Variants in MZT2A observed in about 807,000 individuals in gnomAD.
MZT2A encodes mitotic-spindle organizing protein 2A.
Under a neutral mutation model 12.4 loss-of-function variants are expected in MZT2A, and 8 were observed. That is an observed-to-expected ratio of 0.64 (90% CI 0.38 to 1.16). The LOEUF (loss-of-function observed/expected upper bound fraction) is 1.16, where lower values mean the gene tolerates loss of function less well. Among genes scored for constraint, MZT2A ranks in the 50% most tolerant of loss-of-function variants. MZT2A has a pLI of 0.01. For synonymous variants in MZT2A, 88 were observed against 107.5 expected, an observed-to-expected ratio of 0.82 and a Z score of 1.12; for missense variants, 181 against 223.6, an observed-to-expected ratio of 0.81 and a Z score of 1.22.
intron 2 of MZT2A, among the ~76,000 whole-genome samples, chr2:131,472,548 C>T (rs981981744): frequency 8.5e-5 from 13 of 152,150 alleles, no homozygotes; most frequent in Non-Finnish European, 1.5e-4. Context: ...AATGATGTTT[C>T]GGTCAACAAC....
At position 131,492,303 on chromosome 2, in the gene MZT2A, A is replaced by C. The variant is rs541938651; in HGVS notation, c.74T>G (p.Leu25Arg). The change falls in exon 1 of 3, where the codon CTG (leucine) becomes CGG (arginine). Residue 25 changes from leucine to arginine, a missense_variant. Leu to Arg is a moderately radical substitution (Grantham distance 102). Transcript: ENST00000309451. Reference sequence around the variant, plus strand: ...CAGCACCTTCTTGCGCCGCAGCGCCAGCTTCTGCCGGGCCGCCTCCAGCCC... The same window carrying C: ...CAGCACCTTCTTGCGCCGCAGCGCCCGCTTCTGCCGGGCCGCCTCCAGCCC... The part of the protein sequence containing the change: ...PPGLEAARQK[L>R]ALRRKKVLST... 2,120 of 1,543,820 alleles carry C rather than the reference A, an allele frequency of 1.4e-3. 1 individual carries two copies. The highest frequency in any genetic ancestry group is 1.7e-3 in the Non-Finnish European group (1,921 of 1,154,028).
At chr2:131,480,981 G>A (rs1678844925), downstream of MZT2A, among the ~76,000 whole-genome samples, 2 of 151,496 alleles carry the variant, frequency 1.3e-5, no homozygotes, top group Admixed American at 6.6e-5. Flanking sequence ...TCAGCTAACT[G>A]CAACCTCTGC....
intron 2 of MZT2A, chr2:131,472,185 G>A (rs1197209801): frequency 7.8e-7 from 1 of 1,285,614 alleles, no homozygotes. Flanking sequence ...ACTCAAGCCT[G>A]TTTGAATATG....
chr2:131,492,930 T>A (rs1446745669), upstream of MZT2A: 3 of 1,521,940 alleles, frequency 2.0e-6, no homozygotes, highest in Admixed American at 6.0e-5. Flanking sequence ...CCCCCCGCAC[T>A]CCTGCCTCGC....
downstream of MZT2A, among the ~76,000 whole-genome samples, chr2:131,479,645 G>C (rs1315052743): frequency 6.6e-6 from 1 of 152,166 alleles, no homozygotes; most frequent in Non-Finnish European, 1.5e-5. Flanking sequence ...TTTGAGACCA[G>C]CCTGGCCTAC....
chr2:131,472,738 C>CTT lies in MZT2A; in HGVS notation c.279-557_279-556insAA, dbSNP rs534887622. On this transcript the variant is annotated intron_variant and NMD_transcript_variant, in intron 2 of 4. Transcript: ENST00000427024. ...CCACCTTGGTTGGTCTAAGAACACT[C>CTT]TGTGATGTTCTCACATCAACGAAAT... Among the ~76,000 whole-genome samples the CTT allele has an allele frequency of 4.1e-4, 63 of 152,332 alleles. 1 individual carries two copies. Among genetic ancestry groups the CTT allele is most frequent in the African/African-American group, 1.4e-3 (60 of 41,572 alleles).
chr2:131,488,915 G>A (rs1233125059), intron 2 of MZT2A, among the ~76,000 whole-genome samples: 3 of 138,406 alleles, frequency 2.2e-5, no homozygotes, highest in Non-Finnish European at 4.6e-5. Flanking sequence ...GCCCCCATTC[G>A]CTCACATGGC....
chr2:131,492,884 C>A (rs2104746314), upstream of MZT2A: 1 of 1,506,100 alleles, frequency 6.6e-7, no homozygotes, highest in Non-Finnish European at 8.9e-7. Context: ...CAGAGGCCGC[C>A]ACAACGCAGG....
intron 2 of MZT2A, chr2:131,478,332 G>A (rs763817051): frequency 1.8e-5 from 29 of 1,613,894 alleles, no homozygotes; most frequent in Admixed American, 1.2e-4. Context: ...TGAGACTGGA[G>A]CTGGCAAGCA....
At position 131,492,350 on chromosome 2, in the gene MZT2A, C is replaced by A. The variant is rs1253842515; in HGVS notation, c.27G>T (p.Gly9=). 1.3e-6 allele frequency: 2 copies of A among 1,485,724 alleles called. No individual in the cohort carries two copies. The highest frequency in any genetic ancestry group is 5.5e-5 in the East Asian group (2 of 36,620). 92.0% of individuals were successfully genotyped at this position (1,485,724 alleles called of 1,614,324 possible). The change falls in exon 1 of 3, where the codon GGG becomes GGT. Residue 9 remains glycine, a synonymous_variant. Coordinates refer to ENST00000309451, the MANE Select transcript of MZT2A (RefSeq NM_001085365.2). ...GCCCCGGGGGCGCCGCCGACCCCGG[C>A]CCAGGCCCTACGCCCTGCGCCGCCA... is the stretch of plus-strand genomic sequence containing the variant. The part of the protein sequence containing the change: MAAQGVGP[G]PGSAAPPGLE...
chr2:131,479,971 A>G (rs1377106149), downstream of MZT2A: 2 of 1,446,922 alleles, frequency 1.4e-6, no homozygotes, highest in Non-Finnish European at 1.9e-6. Context: ...TTGAATCCAT[A>G]TCAACTCTTT....
At position 131,492,322 on chromosome 2, in the gene MZT2A, C is replaced by T. The variant is rs183717546; in HGVS notation, c.55G>A (p.Glu19Lys). Residue 19 changes from glutamate to lysine, a missense_variant, in exon 1 of 3, where the codon GAG (glutamate) becomes AAG (lysine). Physicochemically the swap from Glu to Lys is moderately conservative, Grantham distance 56. Around this residue, in one of 3 missense-constraint regions of MZT2A, gnomAD observed 106 missense variants for 127.2 expected, o/e 0.83. Transcript: ENST00000309451. ...AGCGCCAGCTTCTGCCGGGCCGCCT[C>T]CAGCCCCGGGGGCGCCGCCGACCCC... ...GPGSAAPPGLEAARQKLALRR... is the reference protein window; with the variant it reads ...GPGSAAPPGLKAARQKLALRR... 312 of 1,521,274 alleles carry T rather than the reference C, an allele frequency of 2.1e-4. No homozygotes were observed. Among genetic ancestry groups the T allele is most frequent in the Admixed American group, 1.1e-3 (53 of 50,254 alleles). The allele number at this position is 1,521,274 out of a possible 1,614,324, so 94.2% of individuals were successfully genotyped here. A position where few individuals can be genotyped will look rare whatever the true frequency, so the allele number is the denominator to read the frequency against.
In MZT2A at chr2:131,488,553, C is replaced by T. The variant is rs569498783; in HGVS notation, c.319+3323G>A. Among the ~76,000 whole-genome samples the T allele has an allele frequency of 3.5e-4, 53 of 150,920 alleles. 2 individuals carry two copies. The highest frequency in any genetic ancestry group is 2.4e-3 in the Admixed American group (37 of 15,194). On this transcript the variant is annotated intron_variant, in intron 2 of 2. Coordinates refer to ENST00000309451, the MANE Select transcript of MZT2A (RefSeq NM_001085365.2). Reference sequence around the variant, plus strand: ...CCCTCCCCCCGGATTACTCCGACAACCCCCCTGCCATATGGGGTGACAGAA... The same window carrying T: ...CCCTCCCCCCGGATTACTCCGACAATCCCCCTGCCATATGGGGTGACAGAA...
At chr2:131,472,306 T>A in intron 2 of MZT2A, 1 of 745,246 alleles carries the variant, frequency 1.3e-6, no homozygotes, top group South Asian at 2.0e-5. Context: ...TTTATTGCTG[T>A]ATACTAAATA....
At chr2:131,482,951 G>C, downstream of MZT2A, 1 of 1,530,120 alleles carries the variant, frequency 6.5e-7, no homozygotes, top group Non-Finnish European at 8.8e-7. Context: ...TGTGTGTCGT[G>C]CAGCTTAGCT....
At chr2:131,492,521 C>T, upstream of MZT2A, 1 of 1,119,994 alleles carries the variant, frequency 8.9e-7, no homozygotes, top group Non-Finnish European at 1.1e-6. Flanking sequence ...GCCGCCTCCT[C>T]GGCGTCATTG....
intron 2 of MZT2A, chr2:131,478,338 A>G (rs1038288340): frequency 6.2e-7 from 1 of 1,613,864 alleles, no homozygotes; most frequent in Non-Finnish European, 8.5e-7. Flanking sequence ...TGGAGCTGGC[A>G]AGCACGTGCC....
At chr2:131,486,419 T>TG (rs1559357449) in intron 2 of MZT2A, 1 of 162,642 alleles carries the variant, frequency 6.1e-6, no homozygotes, top group East Asian at 1.9e-4. Context: ...CTAATCTGGG[T>TG]GCTTAGGTGC....
intron 2 of MZT2A, among the ~76,000 whole-genome samples, chr2:131,472,897 A>T (rs1416884469): frequency 7.4e-5 from 11 of 149,186 alleles, no homozygotes; most frequent in African/African-American, 2.8e-4. Flanking sequence ...AAGGGGGACT[A>T]TGGACTGAAT....
Sources: gnomAD v4.1 joint callset for allele counts (sites outside exome capture counted in the v4.1 genomes callset) on GRCh38, gnomAD v4.1.1 for gene constraint, gnomAD v4.1.1 regional missense constraint, MANE v1.5 for transcripts, NCBI Gene and HGNC (gene_info 2026-07-23, HGNC 2026-07-21) for gene names.